PLEKHM3: variants seen among roughly 807,000 people sequenced by gnomAD.
PLEKHM3 encodes pleckstrin homology domain-containing family M member 3.
In PLEKHM3, 45 loss-of-function variants were observed where a neutral mutation model predicts 81.8. The ratio of observed to expected loss-of-function variants is 0.55; its 90% CI spans 0.43 to 0.71. The LOEUF is 0.71. PLEKHM3 is among the 30% of genes least tolerant of loss of function. PLEKHM3 has a pLI of 0.00. For synonymous variants in PLEKHM3, 352 were observed against 356.4 expected (o/e 0.99, Z 0.14); for missense variants, 788 against 924.3 (o/e 0.85, Z 1.91).
intron 2 of PLEKHM3, among the ~76,000 whole-genome samples, chr2:207,993,071 T>C (rs530153609): frequency 1.3e-5 from 2 of 152,306 alleles, no homozygotes; most frequent in Admixed American, 6.5e-5. Flanking sequence ...AAGAAAACTT[T>C]AGCAGTTTAT....
At chr2:207,984,753 T>C (rs1691659644) in intron 2 of PLEKHM3, among the ~76,000 whole-genome samples, 1 of 152,234 alleles carries the variant, frequency 6.6e-6, no homozygotes, top group South Asian at 2.1e-4. Context: ...TTTTAAGTCT[T>C]TTTAAATCTA....
rs61384566 is a variant in PLEKHM3, at chr2:207,880,762, CAAAAAAAAAAAA to C, written c.1951-19512_1951-19501del. 8.8e-3 allele frequency among the ~76,000 whole-genome samples: 61 copies of C among 6,966 alleles called. 1 individual carries two copies. The highest frequency in any genetic ancestry group is 0.017 in the Admixed American group (5 of 292). 4.6% of individuals were successfully genotyped at this position (6,966 alleles called of 152,430 possible). A position where few individuals can be genotyped will look rare whatever the true frequency, so the allele number is the denominator to read the frequency against. ...TGGGAGACACAGCGAGACTCTGTCT[CAAAAAAAAAAAA>C]AAAAAAAAAAAAAACCAAAAAAACA... On this transcript the variant is annotated intron_variant, in intron 6 of 7. Transcript: ENST00000427836.
chr2:207,887,759 C>T (rs1687924984), intron 6 of PLEKHM3, among the ~76,000 whole-genome samples: 1 of 151,956 alleles, frequency 6.6e-6, no homozygotes, highest in Non-Finnish European at 1.5e-5. Context: ...CCCTTTTGTC[C>T]CTGGAACTAT....
chr2:207,998,713 G>A (rs927069019), intron 2 of PLEKHM3, among the ~76,000 whole-genome samples: 1 of 152,110 alleles, frequency 6.6e-6, no homozygotes, highest in Non-Finnish European at 1.5e-5. Context: ...AGTAGTTCAG[G>A]TCTTTACAGA....
rs974506269 is a variant in PLEKHM3, at chr2:207,824,245, G to C, written c.*4074C>G. 14 of 152,206 alleles carry C rather than the reference G, an allele frequency of 9.2e-5. No individual in the cohort carries two copies. The highest frequency in any genetic ancestry group is 3.4e-4 in the African/African-American group (14 of 41,440). The allele number at this position is 152,206 out of a possible 1,614,324, so 9.4% of individuals were successfully genotyped here. A position where few individuals can be genotyped will look rare whatever the true frequency, so the allele number is the denominator to read the frequency against. ...AACTTCACGTTTTCACATTATTTCAGAGTAAGAAAAGAAGTGGTGCAGACA... is the reference window on the plus strand; with the variant it reads ...AACTTCACGTTTTCACATTATTTCACAGTAAGAAAAGAAGTGGTGCAGACA... On this transcript the variant is annotated 3_prime_UTR_variant, in exon 8 of 8. Coordinates refer to ENST00000427836, the MANE Select transcript of PLEKHM3 (RefSeq NM_001080475.3).
At chr2:207,875,782 G>A (rs1395780552) in intron 6 of PLEKHM3, among the ~76,000 whole-genome samples, 2 of 151,796 alleles carry the variant, frequency 1.3e-5, no homozygotes, top group African/African-American at 4.8e-5. Flanking sequence ...AGGCCAGCTG[G>A]GCAACACAGT....
chr2:207,885,360 C>T (rs1176268171), intron 6 of PLEKHM3, among the ~76,000 whole-genome samples: 1 of 152,208 alleles, frequency 6.6e-6, no homozygotes, highest in Non-Finnish European at 1.5e-5. Flanking sequence ...GTTTGTGCTT[C>T]AGCCCTGCTC....
chr2:207,956,482 A>T (rs1182787686), intron 3 of PLEKHM3, among the ~76,000 whole-genome samples: 2 of 152,072 alleles, frequency 1.3e-5, no homozygotes, highest in Non-Finnish European at 2.9e-5. Context: ...CAAAAAAAAT[A>T]AAAAAAGATA....
At chr2:207,994,398 G>A (rs1692001518) in intron 2 of PLEKHM3, among the ~76,000 whole-genome samples, 1 of 152,208 alleles carries the variant, frequency 6.6e-6, no homozygotes, top group African/African-American at 2.4e-5. Context: ...AAGAACAGAT[G>A]ACAGTGATGC....
intron 6 of PLEKHM3, among the ~76,000 whole-genome samples, chr2:207,904,428 C>T (rs926923873): frequency 3.3e-5 from 5 of 152,116 alleles, no homozygotes; most frequent in Non-Finnish European, 2.9e-5. Context: ...CCATTTTACA[C>T]GTTATGGCTA....
At chr2:207,832,930 G>A (rs1256868256) in intron 7 of PLEKHM3, among the ~76,000 whole-genome samples, 2 of 151,724 alleles carry the variant, frequency 1.3e-5, no homozygotes, top group East Asian at 3.9e-4. Context: ...TGGCCAACAT[G>A]GTGAAACCCT....
chr2:207,918,463 A>G (rs1689070000), intron 5 of PLEKHM3, among the ~76,000 whole-genome samples: 5 of 152,124 alleles, frequency 3.3e-5, no homozygotes, highest in Admixed American at 2.6e-4. Context: ...CGGAGCTTGC[A>G]GTGAGCCGAG....
chr2:207,949,562 A>T (rs1690261894), intron 3 of PLEKHM3, among the ~76,000 whole-genome samples: 1 of 152,214 alleles, frequency 6.6e-6, no homozygotes. Flanking sequence ...TTTTTTAAAA[A>T]GAAAGAAAGA....
At chr2:207,884,988 G>A (rs1262012274) in intron 6 of PLEKHM3, among the ~76,000 whole-genome samples, 1 of 152,208 alleles carries the variant, frequency 6.6e-6, no homozygotes. Flanking sequence ...AGTTCGTTGG[G>A]TAGACGAAGC....
chr2:208,023,569 C>A (rs995766427), intron 1 of PLEKHM3, among the ~76,000 whole-genome samples: 1 of 152,166 alleles, frequency 6.6e-6, no homozygotes, highest in African/African-American at 2.4e-5. Flanking sequence ...GCATTAGATT[C>A]TCATAGGAGC....
chr2:207,880,695 G>A (rs568705531), intron 6 of PLEKHM3, among the ~76,000 whole-genome samples: 3 of 133,658 alleles, frequency 2.2e-5, no homozygotes, highest in South Asian at 2.5e-4. Flanking sequence ...CCCGGGAGGC[G>A]GAGCCTGCAG....
At chr2:207,906,221 T>G (rs1688603556) in intron 6 of PLEKHM3, among the ~76,000 whole-genome samples, 1 of 152,210 alleles carries the variant, frequency 6.6e-6, no homozygotes, top group Non-Finnish European at 1.5e-5. Flanking sequence ...TACGATCAGG[T>G]AGACTTCAGA....
At chr2:207,961,513 G>T (rs1169292084) in intron 3 of PLEKHM3, among the ~76,000 whole-genome samples, 2 of 152,074 alleles carry the variant, frequency 1.3e-5, no homozygotes, top group African/African-American at 4.8e-5. Context: ...AGTGGTATAT[G>T]GTAAGTACGA....
chr2:207,946,401 C>G lies in PLEKHM3; in HGVS notation c.1658G>C (p.Arg553Pro). The change falls in exon 4 of 8, where the codon CGC (arginine) becomes CCC (proline). Residue 553 changes from arginine (R) to proline (P), a missense_variant. Arg to Pro is a moderately radical substitution (Grantham distance 103). Transcript: ENST00000427836. ...HVDDSFLIPA[R>P]IVHNWDTSKY... is the part of the protein sequence containing the mutation. Reference sequence around the variant, plus strand: ...TGAAGTATCCCAGTTGTGGACTATGCGTGCTGGAATGAGAAAGCTGTCATC... The same window carrying G: ...TGAAGTATCCCAGTTGTGGACTATGGGTGCTGGAATGAGAAAGCTGTCATC... 6.2e-7 allele frequency: 1 copy of G among 1,614,104 alleles called. No homozygotes were observed. The highest frequency in any genetic ancestry group is 8.5e-7 in the Non-Finnish European group (1 of 1,179,976).
Sources: gnomAD v4.1 joint callset for allele counts (sites outside exome capture counted in the v4.1 genomes callset) on GRCh38, gnomAD v4.1.1 for gene constraint, MANE v1.5 for transcripts, NCBI Gene and HGNC (gene_info 2026-07-23, HGNC 2026-07-21) for gene names.